The following PLXDC2 variants were observed in gnomAD, a reference collection of about 807,000 sequenced individuals.
PLXDC2 encodes plexin domain containing 2, also known as plexin domain-containing protein 2.
A neutral mutation model predicts 68.9 loss-of-function variants in PLXDC2; 40 were observed. The ratio of observed to expected loss-of-function variants is 0.58; its 90% CI spans 0.45 to 0.76. PLXDC2 has a LOEUF of 0.76. PLXDC2 is among the 30% of genes least tolerant of loss of function. The probability of loss-of-function intolerance (pLI) is 0.00; values close to 1 mark genes in which losing one functional copy is unlikely to be tolerated. For synonymous variants in PLXDC2, 243 were observed against 234.2 expected, an observed-to-expected ratio of 1.04 and a Z score of -0.34; for missense variants, 644 against 661.9, an observed-to-expected ratio of 0.97 and a Z score of 0.30.
intron 9 of PLXDC2, among the ~76,000 whole-genome samples, chr10:20,198,536 C>G (rs560952587): frequency 1.3e-5 from 2 of 152,066 alleles, no homozygotes; most frequent in African/African-American, 4.8e-5. Flanking sequence ...ACTTTTAACT[C>G]TTAGTTATCT....
intron 4 of PLXDC2, among the ~76,000 whole-genome samples, chr10:20,130,479 C>A (rs1589645179): frequency 6.6e-6 from 1 of 151,806 alleles, no homozygotes; most frequent in African/African-American, 2.4e-5. Context: ...TCTGGTTTGT[C>A]TTTTATTTCT....
At chr10:20,164,289 A>G (rs915492852) in intron 6 of PLXDC2, among the ~76,000 whole-genome samples, 179 bp from the exon 7 acceptor site, 1 of 152,148 alleles carries the variant, frequency 6.6e-6, no homozygotes, top group Non-Finnish European at 1.5e-5. Context: ...ATTCAATAGC[A>G]CTAAACTGAT....
chr10:20,243,199 G>A (rs1040140435), intron 12 of PLXDC2, among the ~76,000 whole-genome samples: 8 of 152,168 alleles, frequency 5.3e-5, no homozygotes, highest in Admixed American at 3.3e-4. Flanking sequence ...AGGCCAGACT[G>A]CTGGTGTGTG....
chr10:20,260,956 G>A (rs73605619), intron 13 of PLXDC2, among the ~76,000 whole-genome samples: 2,459 of 152,176 alleles, frequency 0.016, 60 homozygotes, highest in African/African-American at 0.053. Flanking sequence ...AATGTTGAGC[G>A]TCTTTTCATA....
intron 13 of PLXDC2, among the ~76,000 whole-genome samples, chr10:20,245,892 A>G (rs1241035297): frequency 2.0e-5 from 3 of 152,202 alleles, no homozygotes; most frequent in Non-Finnish European, 2.9e-5. Context: ...AGTAAATGCT[A>G]ATTGAGTATT....
intron 1 of PLXDC2, among the ~76,000 whole-genome samples, chr10:19,890,083 T>G (rs1198045959): frequency 6.6e-6 from 1 of 152,180 alleles, no homozygotes; most frequent in Non-Finnish European, 1.5e-5. Flanking sequence ...ATGCCCGCTC[T>G]GTGACAAATT....
At chr10:19,900,361 T>C (rs1252878503) in intron 1 of PLXDC2, among the ~76,000 whole-genome samples, 1 of 152,172 alleles carries the variant, frequency 6.6e-6, no homozygotes, top group African/African-American at 2.4e-5. Flanking sequence ...GGTTCTGAAC[T>C]TCTTGAAGAC....
rs369936586 is a variant in PLXDC2, at chr10:20,289,479, C to T, written c.*9660C>T. 2.6e-5 allele frequency: 4 copies of T among 152,316 alleles called. No individual in the cohort carries two copies. The highest frequency in any genetic ancestry group is 7.2e-5 in the African/African-American group (3 of 41,552). 9.4% of individuals were successfully genotyped at this position (152,316 alleles called of 1,614,324 possible). A position where few individuals can be genotyped will look rare whatever the true frequency, so the allele number is the denominator to read the frequency against. On this transcript the variant is annotated 3_prime_UTR_variant, in exon 14 of 14. Coordinates refer to ENST00000377252, the MANE Select transcript of PLXDC2 (RefSeq NM_032812.9). The stretch of plus-strand genomic sequence containing the variant: ...TTCTGAATAAGTTCCAGAAGGTTCT[C>T]TATTATTCTGTCCTTCTTCCAAACT...
intron 9 of PLXDC2, among the ~76,000 whole-genome samples, chr10:20,201,179 A>T (rs530139475): frequency 6.6e-6 from 1 of 152,150 alleles, no homozygotes; most frequent in Non-Finnish European, 1.5e-5. Flanking sequence ...ATATATATAC[A>T]CAATAGAATA....
At chr10:20,128,250 A>G (rs1437149075) in intron 4 of PLXDC2, among the ~76,000 whole-genome samples, 4 of 152,190 alleles carry the variant, frequency 2.6e-5, no homozygotes, top group Non-Finnish European at 5.9e-5. Flanking sequence ...ATTTGACAAC[A>G]GGATCTCCAT....
intron 1 of PLXDC2, among the ~76,000 whole-genome samples, chr10:19,828,499 G>A (rs1289846923): frequency 6.6e-6 from 1 of 152,206 alleles, no homozygotes; most frequent in Non-Finnish European, 1.5e-5. Context: ...GGTGATCTGA[G>A]TATTTTTTAA....
At chr10:20,257,417 C>CG (rs1835755054) in intron 13 of PLXDC2, among the ~76,000 whole-genome samples, 1 of 152,138 alleles carries the variant, frequency 6.6e-6, no homozygotes, top group African/African-American at 2.4e-5. Flanking sequence ...ATGGAGGAAA[C>CG]TTTTTGTTGT....
intron 1 of PLXDC2, among the ~76,000 whole-genome samples, chr10:19,966,370 A>AAAAATATATATGTGCAAATATAT (rs1834254075): frequency 3.7e-5 from 5 of 133,472 alleles, no homozygotes; most frequent in Admixed American, 7.4e-5. Flanking sequence ...CACATATATA[A>AAAAATATATATGTGCAAATATAT]AAAATATATA....
At chr10:20,140,017 A>G (rs1012021760) in intron 4 of PLXDC2, among the ~76,000 whole-genome samples, 7 of 151,896 alleles carry the variant, frequency 4.6e-5, no homozygotes, top group African/African-American at 1.7e-4. Context: ...AAAAATTAAA[A>G]CGGCCAGGCG....
chr10:20,067,541 G>T (rs1219254880), intron 3 of PLXDC2, among the ~76,000 whole-genome samples: 2 of 152,066 alleles, frequency 1.3e-5, no homozygotes, highest in Non-Finnish European at 2.9e-5. Flanking sequence ...CAATAAATTA[G>T]TCTGGCATGG....
intron 13 of PLXDC2, among the ~76,000 whole-genome samples, chr10:20,269,296 G>A (rs986948298): frequency 4.2e-5 from 6 of 142,284 alleles, no homozygotes; most frequent in African/African-American, 1.6e-4. Flanking sequence ...TCTAAAGACA[G>A]AGGACACAAA....
chr10:19,830,994 CTT>C (rs35506755), intron 1 of PLXDC2, among the ~76,000 whole-genome samples: 14 of 148,354 alleles, frequency 9.4e-5, no homozygotes, highest in South Asian at 4.2e-4. Flanking sequence ...GGTTTGTTTC[CTT>C]TTTTTTTTTG....
chr10:19,879,355 T>A (rs1330583382), intron 1 of PLXDC2, among the ~76,000 whole-genome samples: 1 of 152,144 alleles, frequency 6.6e-6, no homozygotes, highest in Non-Finnish European at 1.5e-5. Context: ...GGTTTGCTGA[T>A]TTCTTGGTAA....
intron 2 of PLXDC2, among the ~76,000 whole-genome samples, chr10:20,016,359 A>C (rs1835210363): frequency 6.6e-6 from 1 of 152,210 alleles, no homozygotes; most frequent in South Asian, 2.1e-4. Flanking sequence ...TGGAAGTAAA[A>C]CGGAGTCCAT....
Sources: allele counts gnomAD v4.1 joint callset (sites outside exome capture counted in the v4.1 genomes callset), GRCh38; gene constraint gnomAD v4.1.1; transcripts MANE v1.5; gene names NCBI Gene and HGNC (gene_info 2026-07-23, HGNC 2026-07-21).